The following LHCGR variants were observed in gnomAD, a reference collection of about 807,000 sequenced individuals.
The protein encoded by LHCGR is lutropin-choriogonadotropic hormone receptor.
A neutral mutation model predicts 60.7 loss-of-function variants in LHCGR; 55 were observed. The observed-to-expected ratio is 0.91, with a 90% CI of 0.73 to 1.13. The LOEUF (loss-of-function observed/expected upper bound fraction) is 1.13, where lower values mean the gene tolerates loss of function less well. Among genes scored for constraint, LHCGR ranks in the 50% most tolerant of loss-of-function variants. The pLI is 0.00. For missense variants in LHCGR, 862 were observed against 836.0 expected (o/e 1.03, Z -0.38); for synonymous variants, 337 against 316.5 (o/e 1.06, Z -0.69).
chr2:48,747,900 A>G (rs567601603), intron 1 of LHCGR, among the ~76,000 whole-genome samples: 21 of 152,308 alleles, frequency 1.4e-4, no homozygotes, highest in African/African-American at 4.3e-4. Flanking sequence ...AACACAGGGC[A>G]TATGTTGTTG....
At position 48,725,671 on chromosome 2, in the gene LHCGR, C is replaced by G; in HGVS notation, c.383+5G>C. 1 of 1,608,212 alleles carries G rather than the reference C, an allele frequency of 6.2e-7. No homozygotes were observed. Among genetic ancestry groups the G allele is most frequent in the Non-Finnish European group, 8.5e-7 (1 of 1,174,814 alleles). ...CCCAATTGCTTAAAAAGGAAAATTT[C>G]TCACAAGTATTTTAATCGGGGAAGA... On this transcript the variant is annotated splice_donor_5th_base_variant and intron_variant, in intron 4 of 10. Transcript: ENST00000294954.
At chr2:48,700,531 C>G (rs1263315418) in intron 8 of LHCGR, among the ~76,000 whole-genome samples, 1 of 152,154 alleles carries the variant, frequency 6.6e-6, no homozygotes, top group Non-Finnish European at 1.5e-5. Flanking sequence ...CAAGCAAATA[C>G]TGTCATGCAG....
intron 1 of LHCGR, among the ~76,000 whole-genome samples, chr2:48,743,570 T>A (rs892079212): frequency 1.3e-5 from 2 of 152,188 alleles, no homozygotes; most frequent in African/African-American, 4.8e-5. Flanking sequence ...ATCCAGCATA[T>A]AAACAGAACC....
chr2:48,715,464 A>G (rs1027555481), intron 6 of LHCGR, among the ~76,000 whole-genome samples: 2 of 152,190 alleles, frequency 1.3e-5, no homozygotes, highest in Non-Finnish European at 2.9e-5. Flanking sequence ...AACTCCTTAT[A>G]TCTGCCAACA....
chr2:48,747,185 T>C (rs1171938853), intron 1 of LHCGR, among the ~76,000 whole-genome samples: 1 of 152,040 alleles, frequency 6.6e-6, no homozygotes, highest in Non-Finnish European at 1.5e-5. Context: ...TGTCTCCTGG[T>C]TCAAGGGATT....
At chr2:48,692,817 G>A (rs1666920549) in intron 10 of LHCGR, among the ~76,000 whole-genome samples, 1 of 152,188 alleles carries the variant, frequency 6.6e-6, no homozygotes, top group Non-Finnish European at 1.5e-5. Context: ...GAAGTAGGAG[G>A]TAGGAGATTT....
chr2:48,749,781 G>A (rs1157348425), intron 1 of LHCGR, among the ~76,000 whole-genome samples: 2 of 151,956 alleles, frequency 1.3e-5, no homozygotes, highest in Non-Finnish European at 2.9e-5. Flanking sequence ...GGAGGGAGCT[G>A]GGTCCAATGC....
chr2:48,722,145 T>C (rs1342579675), intron 6 of LHCGR, among the ~76,000 whole-genome samples: 1 of 152,150 alleles, frequency 6.6e-6, no homozygotes, highest in Admixed American at 6.5e-5. Flanking sequence ...CGAGACTCAG[T>C]TGCAATAAAA....
At chr2:48,718,152 A>T (rs1005650868) in intron 6 of LHCGR, among the ~76,000 whole-genome samples, 8 of 152,062 alleles carry the variant, frequency 5.3e-5, no homozygotes. Context: ...CCTTTGCTTT[A>T]CTTTGAGGAT....
At position 48,698,713 on chromosome 2, in the gene LHCGR, T is replaced by C. The variant is rs1667245154; in HGVS notation, c.768A>G (p.Leu256=). Residue 256 remains leucine, a synonymous_variant, in exon 9 of 11, where the codon CTA becomes CTG. Coordinates refer to ENST00000294954, the MANE Select transcript of LHCGR (RefSeq NM_000233.4). ...ATGTTTCTCTTGATGGCAATTTTTTTAGAGAATAGGATGACGTGGCAATTA... is the reference window on the plus strand; with the variant it reads ...ATGTTTCTCTTGATGGCAATTTTTTCAGAGAATAGGATGACGTGGCAATTA... ...QRLIATSSYS[L]KKLPSRETFV... is the part of the protein sequence containing the mutation. The C allele has an allele frequency of 1.9e-6, 3 of 1,614,166 alleles. No homozygotes were observed. The highest frequency in any genetic ancestry group is 2.5e-6 in the Non-Finnish European group (3 of 1,179,990).
intron 6 of LHCGR, among the ~76,000 whole-genome samples, chr2:48,717,363 T>C (rs1292195593): frequency 6.6e-6 from 1 of 152,214 alleles, no homozygotes; most frequent in Non-Finnish European, 1.5e-5. Flanking sequence ...CCAGCTCTGC[T>C]GCTTACAATC....
intron 10 of LHCGR, among the ~76,000 whole-genome samples, chr2:48,689,332 T>G (rs1162491883): frequency 6.6e-6 from 1 of 152,174 alleles, no homozygotes; most frequent in Non-Finnish European, 1.5e-5. Flanking sequence ...TCTTGGCATT[T>G]TCTTAACTAT....
chr2:48,731,347 GC>G (rs1300914581), intron 1 of LHCGR, 49 bp from the exon 2 acceptor site: 5 of 1,337,734 alleles, frequency 3.7e-6, no homozygotes, highest in South Asian at 1.2e-5. Flanking sequence ...ATGATAGGGT[GC>G]CTTTTAAGTT....
intron 1 of LHCGR, among the ~76,000 whole-genome samples, chr2:48,738,194 C>A (rs576805280): frequency 2.6e-5 from 4 of 152,238 alleles, no homozygotes; most frequent in African/African-American, 9.6e-5. Context: ...TTTTTCTCTT[C>A]CTCTATCCTC....
intron 1 of LHCGR, among the ~76,000 whole-genome samples, chr2:48,754,432 T>C (rs1471736504): frequency 6.6e-6 from 1 of 152,174 alleles, no homozygotes; most frequent in Non-Finnish European, 1.5e-5. Flanking sequence ...TTAGATACTC[T>C]TGTCTTTTGT....
rs1668876783 is a variant in LHCGR at position 48,729,236 on chromosome 2, G to A, written c.234-9C>T. The A allele has an allele frequency of 6.3e-7, 1 of 1,591,026 alleles. No homozygotes were observed. Among genetic ancestry groups the A allele is most frequent in the African/African-American group, 1.3e-5 (1 of 74,634 alleles). The stretch of plus-strand genomic sequence containing the variant: ...CAATCTGAGAGATTTCACTAGGGAA[G>A]AGAGGAGGGGGAAAAAGAGAAAGAA... On this transcript the variant is annotated splice_polypyrimidine_tract_variant and intron_variant, in intron 2 of 10. Coordinates refer to ENST00000294954, the MANE Select transcript of LHCGR (RefSeq NM_000233.4).
intron 1 of LHCGR, among the ~76,000 whole-genome samples, chr2:48,736,902 T>C (rs895723720): frequency 6.6e-6 from 1 of 152,178 alleles, no homozygotes; most frequent in Non-Finnish European, 1.5e-5. Flanking sequence ...TGACACACTC[T>C]CTCTTTTTAA....
chr2:48,705,087 A>G lies in LHCGR; in HGVS notation c.680+3861T>C, dbSNP rs536633007. 1.9e-3 allele frequency among the ~76,000 whole-genome samples: 289 copies of G among 152,156 alleles called. 1 individual carries two copies. The highest frequency in any genetic ancestry group is 6.5e-3 in the African/African-American group (269 of 41,520). On this transcript the variant is annotated intron_variant, in intron 8 of 10. Coordinates refer to ENST00000294954, the MANE Select transcript of LHCGR (RefSeq NM_000233.4). ...TGTGTCCCAGAGATTCTGGTACATT[A>G]TGTCTTTGTTCTCATTGGTTTCAAA...
intron 7 of LHCGR, among the ~76,000 whole-genome samples, chr2:48,710,851 G>A (rs1036377579): frequency 1.3e-5 from 2 of 152,218 alleles, no homozygotes; most frequent in African/African-American, 4.8e-5. Flanking sequence ...AGGGTTGAAT[G>A]TATCGTTTGA....
Sources: gnomAD v4.1 joint callset for allele counts (sites outside exome capture counted in the v4.1 genomes callset) on GRCh38, gnomAD v4.1.1 for gene constraint, MANE v1.5 for transcripts, NCBI Gene and HGNC (gene_info 2026-07-23, HGNC 2026-07-21) for gene names.